Variants in PATJ observed in about 807,000 individuals in gnomAD.
PATJ encodes PATJ crumbs cell polarity complex component.
A neutral mutation model predicts 224.9 loss-of-function variants in PATJ; 190 were observed. That is an observed-to-expected ratio of 0.84 (90% CI 0.75 to 0.95). PATJ has a LOEUF of 0.95. Among genes scored for constraint, PATJ ranks in the 40% least tolerant of loss-of-function variants. The pLI, the probability that PATJ is intolerant of heterozygous loss-of-function variation, is 0.00. For missense variants in PATJ, 2,121 were observed against 2,270.3 expected, an observed-to-expected ratio of 0.93 and a Z score of 1.34; for synonymous variants, 769 against 820.3, an observed-to-expected ratio of 0.94 and a Z score of 1.07.
intron 14 of PATJ, among the ~76,000 whole-genome samples, chr1:61,813,338 T>TATATAG (rs1437005417): frequency 9.0e-4 from 26 of 28,954 alleles, no homozygotes; most frequent in East Asian, 1.4e-3. Flanking sequence ...AATGTACATA[T>TATATAG]ATATATATAT....
chr1:62,017,964 TG>T lies in PATJ; in HGVS notation c.3959+19del. 6.8e-7 allele frequency: 1 copy of T among 1,477,304 alleles called. No homozygotes were observed. Among genetic ancestry groups the T allele is most frequent in the Non-Finnish European group, 9.5e-7 (1 of 1,055,148 alleles). The allele number at this position is 1,477,304 out of a possible 1,614,324, so 91.5% of individuals were successfully genotyped here. A position where few individuals can be genotyped will look rare whatever the true frequency, so the allele number is the denominator to read the frequency against. ...TTTCATCAGGTAAGATTGCTAGATC[TG>T]GTTTTGCAAAATCAAAGACCTCTTC... On this transcript the variant is annotated intron_variant, in intron 29 of 43. Coordinates refer to ENST00000642238, the MANE Select transcript of PATJ (RefSeq NM_001350145.3).
intron 20 of PATJ, among the ~76,000 whole-genome samples, chr1:61,870,737 A>G (rs529337283): frequency 1.3e-5 from 2 of 152,292 alleles, no homozygotes; most frequent in East Asian, 1.9e-4. Context: ...TTTTTAGTAT[A>G]TACTCAGCAG....
intron 27 of PATJ, among the ~76,000 whole-genome samples, chr1:61,975,112 T>C (rs12731725): frequency 0.24 from 35,868 of 151,692 alleles, 4,804 homozygotes; most frequent in African/African-American, 0.34. Context: ...ACCTGGCTAA[T>C]GTTCTTTTAT....
chr1:61,871,443 ACACATATATATGCGTATATATATG>A (rs1557792741), intron 20 of PATJ, among the ~76,000 whole-genome samples: 11 of 25,746 alleles, frequency 4.3e-4, no homozygotes, highest in Admixed American at 4.9e-4. Flanking sequence ...ATGTGTATAT[ACACATATATATGCGTATATATATG>A]TATATACATA....
At chr1:61,933,456 G>A (rs796807222) in intron 27 of PATJ, among the ~76,000 whole-genome samples, 8 of 150,742 alleles carry the variant, frequency 5.3e-5, no homozygotes, top group East Asian at 2.0e-4. Flanking sequence ...CAGAAGAATC[G>A]CTTGAACTTG....
chr1:62,121,181 G>C lies in PATJ; in HGVS notation c.4891G>C (p.Gly1631Arg), dbSNP rs765831572. The change falls in exon 38 of 44, where the codon GGT becomes CGT. Residue 1631 changes from glycine to arginine, a missense_variant and splice_region_variant. Physicochemically the swap from Gly to Arg is moderately radical, Grantham distance 125. Coordinates refer to ENST00000642238, the MANE Select transcript of PATJ (RefSeq NM_001350145.3). Reference protein sequence around the residue: ...SARTTSQNSQGSQQSAHSSCH... With the variant: ...SARTTSQNSQRSQQSAHSSCH... Reference sequence around the variant, plus strand: ...GGTGACCCCTGGGTCTTTCTTTCAGGGTAGTCAGCAGAGTGCACACAGCAG... The same window carrying C: ...GGTGACCCCTGGGTCTTTCTTTCAGCGTAGTCAGCAGAGTGCACACAGCAG... The C allele has an allele frequency of 3.1e-6, 5 of 1,608,448 alleles. No homozygotes were observed. The highest frequency in any genetic ancestry group is 3.4e-6 in the Non-Finnish European group (4 of 1,176,308).
At chr1:61,855,960 C>A in intron 17 of PATJ, 70 bp from the exon 18 acceptor site, 1 of 1,117,236 alleles carries the variant, frequency 9.0e-7, no homozygotes, top group Non-Finnish European at 1.4e-6. Context: ...TCAGTCAACT[C>A]AAGCTGTCCT....
At chr1:61,906,343 A>AGATT (rs1237923968) in intron 24 of PATJ, among the ~76,000 whole-genome samples, 1 of 151,986 alleles carries the variant, frequency 6.6e-6, no homozygotes, top group Non-Finnish European at 1.5e-5. Context: ...CACTTCTTGG[A>AGATT]GATTGTAGGG....
intron 6 of PATJ, among the ~76,000 whole-genome samples, chr1:61,773,554 A>G (rs1198655208): frequency 6.6e-6 from 1 of 150,890 alleles, no homozygotes; most frequent in African/African-American, 2.4e-5. Flanking sequence ...TGGGAGACCG[A>G]GGTGGGTGGA....
At chr1:61,952,752 G>A (rs1469024141) in intron 27 of PATJ, among the ~76,000 whole-genome samples, 1 of 152,180 alleles carries the variant, frequency 6.6e-6, no homozygotes, top group African/African-American at 2.4e-5. Context: ...AATTGTAATT[G>A]AGAAGTAGAC....
At chr1:61,853,389 A>G (rs949150869) in intron 17 of PATJ, among the ~76,000 whole-genome samples, 9 of 152,316 alleles carry the variant, frequency 5.9e-5, no homozygotes, top group African/African-American at 2.2e-4. Flanking sequence ...ATTGTTCACA[A>G]ACAACTTGGT....
intron 41 of PATJ, among the ~76,000 whole-genome samples, chr1:62,133,718 A>G (rs1192371637): frequency 6.7e-6 from 1 of 149,748 alleles, no homozygotes; most frequent in African/African-American, 2.5e-5. Flanking sequence ...CTGATTTTGC[A>G]GGAGTGGAGT....
chr1:61,777,991 C>T (rs925466849), intron 7 of PATJ, among the ~76,000 whole-genome samples: 1 of 151,980 alleles, frequency 6.6e-6, no homozygotes, highest in African/African-American at 2.4e-5. Flanking sequence ...GTGATCCCCC[C>T]ACCTCAGCTT....
At chr1:61,819,478 C>T (rs1310210966) in intron 14 of PATJ, among the ~76,000 whole-genome samples, 1 of 152,050 alleles carries the variant, frequency 6.6e-6, no homozygotes, top group African/African-American at 2.4e-5. Flanking sequence ...CCTATATTTC[C>T]AGCTCATAGC....
intron 27 of PATJ, among the ~76,000 whole-genome samples, chr1:61,983,647 C>CTCATTTCTG (rs1260980048): frequency 6.6e-6 from 1 of 152,028 alleles, no homozygotes; most frequent in African/African-American, 2.4e-5. Flanking sequence ...TTCAAAATCA[C>CTCATTTCTG]TCATTTCTGT....
chr1:61,786,411 C>T (rs1648539009), intron 7 of PATJ, among the ~76,000 whole-genome samples: 1 of 152,042 alleles, frequency 6.6e-6, no homozygotes. Context: ...CTCCCCAGCT[C>T]CCAAATTTAA....
chr1:62,133,581 G>GA (rs1232926590), intron 41 of PATJ, among the ~76,000 whole-genome samples: 1 of 151,930 alleles, frequency 6.6e-6, no homozygotes, highest in African/African-American at 2.4e-5. Flanking sequence ...ACCGTCTCGA[G>GA]AAAAAAGAAT....
At chr1:62,009,584 A>G (rs1044252105) in intron 28 of PATJ, among the ~76,000 whole-genome samples, 9 of 147,210 alleles carry the variant, frequency 6.1e-5, no homozygotes, top group Admixed American at 1.3e-4. Context: ...TAAGATAACA[A>G]TGACATTCGC....
intron 33 of PATJ, among the ~76,000 whole-genome samples, chr1:62,100,091 G>A (rs1164231106): frequency 6.7e-6 from 1 of 150,240 alleles, no homozygotes; most frequent in Non-Finnish European, 1.5e-5. Context: ...GTGGGGCTCA[G>A]TGATAATTAA....
Sources: gnomAD v4.1 joint callset for allele counts (sites outside exome capture counted in the v4.1 genomes callset) on GRCh38, gnomAD v4.1.1 for gene constraint, MANE v1.5 for transcripts, NCBI Gene and HGNC (gene_info 2026-07-23, HGNC 2026-07-21) for gene names.